CD8A: variants seen among roughly 807,000 people sequenced by gnomAD.
CD8A encodes the protein T-cell surface glycoprotein CD8 alpha chain.
A neutral mutation model predicts 24.2 loss-of-function variants in CD8A; 25 were observed. The ratio of observed to expected loss-of-function variants is 1.03; its 90% CI spans 0.75 to 1.44. The LOEUF is 1.44. Among genes scored for constraint, CD8A ranks in the 40% most tolerant of loss-of-function variants. The pLI, the probability that CD8A is intolerant of heterozygous loss-of-function variation, is 0.00. For missense variants in CD8A, 360 were observed against 319.7 expected (o/e 1.13, Z -0.96); for synonymous variants, 165 against 149.9 (o/e 1.10, Z -0.74).
rs1052718780 is a variant in CD8A at position 86,790,610 on chromosome 2, G to C, written c.121C>G (p.Leu41Val). Reference protein sequence around the residue: ...RTWNLGETVELKCQVLLSNPT... With the variant: ...RTWNLGETVEVKCQVLLSNPT... ...TTGGACAGCAGCACCTGGCACTTCA[G>C]CTCCACTGTCTCGCCCAGGTTCCAG... Residue 41 changes from leucine to valine, a missense_variant, in exon 2 of 6, where the codon CTG (leucine) becomes GTG (valine). Leu to Val is a conservative substitution (Grantham distance 32). Transcript: ENST00000283635. The C allele has an allele frequency of 6.2e-7, 1 of 1,608,918 alleles. No homozygotes were observed. The highest frequency in any genetic ancestry group is 8.5e-7 in the Non-Finnish European group (1 of 1,179,500).
chr2:86,806,190 G>A (rs1673850104), intron 2 of CD8A, among the ~76,000 whole-genome samples: 1 of 152,296 alleles, frequency 6.6e-6, no homozygotes, highest in Admixed American at 6.5e-5. Flanking sequence ...CAAGCCCCCC[G>A]TGTGACTTTC....
chr2:86,790,579 G>T lies in CD8A; in HGVS notation c.152C>A (p.Thr51Lys). 2 of 1,612,580 alleles carry T rather than the reference G, an allele frequency of 1.2e-6. No homozygotes were observed. The highest frequency in any genetic ancestry group is 1.7e-6 in the Non-Finnish European group (2 of 1,179,896). ...LKCQVLLSNP[T>K]SGCSWLFQPR... ...CTGGAAGAGCCACGAGCAGCCCGAC[G>T]TCGGGTTGGACAGCAGCACCTGGCA... is the stretch of plus-strand genomic sequence containing the variant. The change falls in exon 2 of 6, where the codon ACG becomes AAG. Residue 51 changes from threonine (T) to lysine (K), a missense_variant. Coordinates refer to ENST00000283635, the MANE Select transcript of CD8A (RefSeq NM_001768.7).
At chr2:86,803,681 A>G (rs1380288847) in intron 2 of CD8A, among the ~76,000 whole-genome samples, 1 of 152,170 alleles carries the variant, frequency 6.6e-6, no homozygotes, top group Non-Finnish European at 1.5e-5. Flanking sequence ...CCTCCTGAGT[A>G]GCTGGGACTA....
intron 5 of CD8A, among the ~76,000 whole-genome samples, chr2:86,787,898 A>AGAGAGAGTGTGT (rs369993109): frequency 1.6e-4 from 23 of 144,598 alleles, no homozygotes; most frequent in South Asian, 4.5e-4. Context: ...AGAGAGAGAG[A>AGAGAGAGTGTGT]GTGTGTGTGT....
At chr2:86,789,495 G>A in intron 3 of CD8A, 62 bp from the exon 4 acceptor site, 3 of 1,423,894 alleles carry the variant, frequency 2.1e-6, no homozygotes, top group East Asian at 4.5e-5. Context: ...CCGCCCCACC[G>A]TCCCGGGAAC....
chr2:86,794,869 G>A (rs185704216), upstream of CD8A, among the ~76,000 whole-genome samples: 7 of 152,118 alleles, frequency 4.6e-5, no homozygotes, highest in African/African-American at 1.2e-4. Context: ...TTTCTCAAGC[G>A]GACCCTAGTC....
Position 86,785,899 on chromosome 2 carries a change from TGTA to T in CD8A, c.*18_*20del. 1 of 1,582,452 alleles carries T rather than the reference TGTA, an allele frequency of 6.3e-7. No individual in the cohort carries two copies. Among genetic ancestry groups the T allele is most frequent in the Non-Finnish European group, 8.7e-7 (1 of 1,151,054 alleles). On this transcript the variant is annotated 3_prime_UTR_variant, in exon 6 of 6. Transcript: ENST00000283635. ...AAGGAAGGATCTCAGTTTGAAGTAA[TGTA>T]GTGGCTGTTGCACAGGGTTAGACGT...
At chr2:86,789,508 C>T (rs1673173327) in intron 3 of CD8A, 75 bp from the exon 4 acceptor site, 3 of 1,369,438 alleles carry the variant, frequency 2.2e-6, no homozygotes, top group Non-Finnish European at 3.1e-6. Flanking sequence ...CCGGGAACGT[C>T]TCTCCGCCTC....
chr2:86,803,047 A>C (rs1051440612), intron 2 of CD8A, among the ~76,000 whole-genome samples: 1 of 152,264 alleles, frequency 6.6e-6, no homozygotes, highest in Non-Finnish European at 1.5e-5. Context: ...AAATAATTAA[A>C]AAGAATAAGG....
intron 3 of CD8A, among the ~76,000 whole-genome samples, chr2:86,796,343 C>A (rs959315616): frequency 9.2e-5 from 14 of 152,162 alleles, no homozygotes; most frequent in African/African-American, 3.4e-4. Context: ...GACAAACATT[C>A]TCAGATCAAA....
intron 3 of CD8A, among the ~76,000 whole-genome samples, chr2:86,798,922 A>T (rs1186975522): frequency 6.6e-6 from 1 of 152,242 alleles, no homozygotes; most frequent in African/African-American, 2.4e-5. Flanking sequence ...ATATATATCT[A>T]TAAATGCTAT....
chr2:86,792,036 AAAAAT>A (rs1056942139), upstream of CD8A, among the ~76,000 whole-genome samples: 17 of 152,158 alleles, frequency 1.1e-4, no homozygotes, highest in East Asian at 1.2e-3. Flanking sequence ...TGTTTCTTTA[AAAAAT>A]AAAATAAAAT....
chr2:86,805,614 C>T (rs1673821486), intron 2 of CD8A, among the ~76,000 whole-genome samples: 1 of 152,208 alleles, frequency 6.6e-6, no homozygotes, highest in South Asian at 2.1e-4. Context: ...GGCTATTCAG[C>T]TTTCCTCTTC....
chr2:86,787,656 T>C (rs1673073051), intron 5 of CD8A, among the ~76,000 whole-genome samples: 1 of 152,166 alleles, frequency 6.6e-6, no homozygotes, highest in South Asian at 2.1e-4. Flanking sequence ...GCAAGTAACG[T>C]GCGTTGTAGG....
At chr2:86,806,358 A>T (rs1255031961) in intron 2 of CD8A, among the ~76,000 whole-genome samples, 3 of 152,148 alleles carry the variant, frequency 2.0e-5, no homozygotes, top group Non-Finnish European at 4.4e-5. Context: ...ATAGAAGGAG[A>T]GGTGTGGACC....
At chr2:86,799,517 A>G (rs959482984) in intron 3 of CD8A, among the ~76,000 whole-genome samples, 8 of 151,708 alleles carry the variant, frequency 5.3e-5, no homozygotes, top group South Asian at 2.1e-4. Context: ...AGCACTTTGG[A>G]AGGCCGAGGT....
At chr2:86,794,223 GTAGA>G (rs1673405105), upstream of CD8A, among the ~76,000 whole-genome samples, 2 of 152,276 alleles carry the variant, frequency 1.3e-5, no homozygotes, top group South Asian at 2.1e-4. Context: ...ATATCCAGAA[GTAGA>G]TAGAGTAAGA....
Position 86,789,735 on chromosome 2 carries a change from G to T in CD8A, c.419C>A (p.Thr140Lys), listed in dbSNP as rs1320832272. 1 of 1,364,794 alleles carries T rather than the reference G, an allele frequency of 7.3e-7. No homozygotes were observed. The allele number at this position is 1,364,794 out of a possible 1,614,324, so 84.5% of individuals were successfully genotyped here. The change falls in exon 3 of 6, where the codon ACG (threonine) becomes AAG (lysine). Residue 140 changes from threonine (T) to lysine (K), a missense_variant. Physicochemically the swap from Thr to Lys is moderately conservative, Grantham distance 78 (BLOSUM62 -1). Coordinates refer to ENST00000283635, the MANE Select transcript of CD8A (RefSeq NM_001768.7). ...CGGTGTTGGTGGTCGCGGCGCTGGC[G>T]TCGTGGTGGGCTTCGCTGCAAGAGC... The part of the protein sequence containing the change: ...PVFLPAKPTT[T>K]PAPRPPTPAP...
chr2:86,799,020 T>C lies in CD8A; in HGVS notation c.-271+2491A>G, dbSNP rs115468549. On this transcript the variant is annotated intron_variant, in intron 3 of 8. Transcript: ENST00000409511. ...TATGTTGATACATATAGATTTATTT[T>C]AAATGCTGTGTGGTGTATTATCCTG... 6.5e-3 allele frequency among the ~76,000 whole-genome samples: 989 copies of C among 152,360 alleles called. 13 individuals carry two copies. Among genetic ancestry groups the C allele is most frequent in the African/African-American group, 0.022 (927 of 41,578 alleles).
Sources: allele counts gnomAD v4.1 joint callset (sites outside exome capture counted in the v4.1 genomes callset), GRCh38; gene constraint gnomAD v4.1.1; transcripts MANE v1.5; gene names NCBI Gene and HGNC (gene_info 2026-07-23, HGNC 2026-07-21).